The following KIAA1549L variants were observed in gnomAD, a reference collection of about 807,000 sequenced individuals.
The protein encoded by KIAA1549L is KIAA1549 like, also known as UPF0606 protein KIAA1549L.
Under a neutral mutation model 160.7 loss-of-function variants are expected in KIAA1549L, and 88 were observed. That is an observed-to-expected ratio of 0.55 (90% CI 0.46 to 0.65). KIAA1549L has a LOEUF of 0.65. Among genes scored for constraint, KIAA1549L ranks in the 30% least tolerant of loss-of-function variants. KIAA1549L has a pLI of 0.00. For synonymous variants in KIAA1549L, 950 were observed against 976.7 expected, an observed-to-expected ratio of 0.97 and a Z score of 0.51; for missense variants, 2,258 against 2,437.5, an observed-to-expected ratio of 0.93 and a Z score of 1.55.
chr11:33,579,158 T>C (rs1296437538), intron 10 of KIAA1549L, among the ~76,000 whole-genome samples: 1 of 152,132 alleles, frequency 6.6e-6, no homozygotes, highest in African/African-American at 2.4e-5. Flanking sequence ...TTTCCCCACC[T>C]GTAAAATGGT....
intron 17 of KIAA1549L, among the ~76,000 whole-genome samples, chr11:33,655,705 G>A (rs548074884): frequency 7.9e-5 from 12 of 152,252 alleles, no homozygotes; most frequent in African/African-American, 2.4e-4. Flanking sequence ...GAAATGAAGC[G>A]TGAAGCCCTG....
intron 6 of KIAA1549L, among the ~76,000 whole-genome samples, chr11:33,553,386 A>G (rs921220042): frequency 4.0e-5 from 6 of 151,812 alleles, no homozygotes; most frequent in Non-Finnish European, 8.8e-5. Context: ...CTAGCCCCCA[A>G]TTAACTCTTC....
In KIAA1549L at chr11:33,618,025, T is replaced by G. The variant is rs142230508; in HGVS notation, c.5280-508T>G. On this transcript the variant is annotated intron_variant, in intron 15 of 20. Transcript: ENST00000658780. ...TATGGCTTCTTAGTCCGGAAGGAAATCTACTGTGGTAATAGCAGAAAAGAA... is the reference window on the plus strand; with the variant it reads ...TATGGCTTCTTAGTCCGGAAGGAAAGCTACTGTGGTAATAGCAGAAAAGAA... Among the ~76,000 whole-genome samples the G allele has an allele frequency of 2.6e-3, 391 of 152,290 alleles. 1 individual carries two copies. Among genetic ancestry groups the G allele is most frequent in the African/African-American group, 9.1e-3 (378 of 41,564 alleles).
intron 14 of KIAA1549L, 35 bp downstream of exon 14, chr11:33,606,857 C>G (rs756960413): frequency 2.6e-6 from 4 of 1,541,120 alleles, no homozygotes; most frequent in Middle Eastern, 1.9e-4. Flanking sequence ...GGAGATGGTC[C>G]GGCCAGACTT....
At position 33,658,700 on chromosome 11, in the gene KIAA1549L, G is replaced by A. The variant is rs373017570; in HGVS notation, c.5859-50G>A. Reference sequence around the variant, plus strand: ...GGGGCGCACTCCTCCTGCTCGGGACGCCGCCTGAGGTCTGGGACAGTGCTA... The same window carrying A: ...GGGGCGCACTCCTCCTGCTCGGGACACCGCCTGAGGTCTGGGACAGTGCTA... On this transcript the variant is annotated intron_variant, in intron 18 of 20. Coordinates refer to ENST00000658780, the MANE Select transcript of KIAA1549L (RefSeq NM_012194.3). 2,051 of 1,546,904 alleles carry A rather than the reference G, an allele frequency of 1.3e-3. 6 individuals carry two copies. Among genetic ancestry groups the A allele is most frequent in the Middle Eastern group, 6.6e-3 (30 of 4,558 alleles).
At chr11:33,435,224 A>G (rs540641704) in intron 1 of KIAA1549L, among the ~76,000 whole-genome samples, 1 of 152,230 alleles carries the variant, frequency 6.6e-6, no homozygotes, top group African/African-American at 2.4e-5. Context: ...CAAAGTAAGA[A>G]GAATTGCCTT....
chr11:33,652,600 C>T (rs1386490678), intron 17 of KIAA1549L, among the ~76,000 whole-genome samples: 1 of 152,190 alleles, frequency 6.6e-6, no homozygotes, highest in Non-Finnish European at 1.5e-5. Flanking sequence ...CAGAATAAGC[C>T]TTCCAACAAC....
chr11:33,484,713 GT>G, intron 1 of KIAA1549L, among the ~76,000 whole-genome samples: 1 of 152,230 alleles, frequency 6.6e-6, no homozygotes, highest in South Asian at 2.1e-4. Flanking sequence ...TGTAATTTAG[GT>G]TTTCCATGGT....
rs547693060 is a variant in KIAA1549L, at chr11:33,620,355, C to A, written c.5409+1693C>A. On this transcript the variant is annotated intron_variant, in intron 16 of 20. Transcript: ENST00000658780. Reference sequence around the variant, plus strand: ...CTGCTTTGAGAAGTGCATGTGATCTCAAAAATATGATGATAAGCTCCCTTC... The same window carrying A: ...CTGCTTTGAGAAGTGCATGTGATCTAAAAAATATGATGATAAGCTCCCTTC... Among the ~76,000 whole-genome samples the A allele has an allele frequency of 2.0e-5, 3 of 152,212 alleles. No individual in the cohort carries two copies. In the South Asian group the frequency reaches 6.2e-4, roughly 32 times the overall value.
chr11:33,671,919 A>G lies in KIAA1549L; in HGVS notation c.*3765A>G, dbSNP rs1051029351. ...TACATCCAAATACTCTTAAGGAAAGAGTGTCATTTAGCTTGGAGTAGGGAC... is the reference window on the plus strand; with the variant it reads ...TACATCCAAATACTCTTAAGGAAAGGGTGTCATTTAGCTTGGAGTAGGGAC... On this transcript the variant is annotated 3_prime_UTR_variant, in exon 21 of 21. Transcript: ENST00000658780. 2 of 152,238 alleles carry G rather than the reference A, an allele frequency of 1.3e-5. No homozygotes were observed. Among genetic ancestry groups the G allele is most frequent in the Non-Finnish European group, 2.9e-5 (2 of 68,044 alleles). The allele number at this position is 152,238 out of a possible 1,614,324, so 9.4% of individuals were successfully genotyped here.
rs557269745 is a variant in KIAA1549L, at chr11:33,537,047, C to G, written c.239-4755C>G. ...GTCCGGCTGTCGCCTCCCTCTGCAG[C>G]CTTAATCTTGCCCACCTGCTGTTCT... On this transcript the variant is annotated intron_variant, in intron 1 of 20. Coordinates refer to ENST00000658780, the MANE Select transcript of KIAA1549L (RefSeq NM_012194.3). Among the ~76,000 whole-genome samples the G allele has an allele frequency of 3.3e-5, 5 of 152,344 alleles. No individual in the cohort carries two copies. The East Asian group carries it at 9.7e-4, about 29-fold the overall frequency.
intron 16 of KIAA1549L, among the ~76,000 whole-genome samples, chr11:33,643,853 G>A (rs1382799367): frequency 6.6e-6 from 1 of 152,154 alleles, no homozygotes; most frequent in East Asian, 1.9e-4. Flanking sequence ...GGTTGCATTC[G>A]TGTTCTAGAA....
At chr11:33,474,464 A>G (rs991634071) in intron 1 of KIAA1549L, among the ~76,000 whole-genome samples, 4 of 152,218 alleles carry the variant, frequency 2.6e-5, no homozygotes, top group African/African-American at 9.6e-5. Context: ...TTTAAGTTCC[A>G]CAGAGCTCTT....
intron 8 of KIAA1549L, among the ~76,000 whole-genome samples, chr11:33,565,112 C>A (rs567240345): frequency 6.6e-6 from 1 of 152,082 alleles, no homozygotes; most frequent in African/African-American, 2.4e-5. Flanking sequence ...TGGTTGTCTG[C>A]GCCAGGTCTG....
chr11:33,664,068 C>T (rs1852358443), intron 20 of KIAA1549L, among the ~76,000 whole-genome samples: 1 of 152,176 alleles, frequency 6.6e-6, no homozygotes, highest in Non-Finnish European at 1.5e-5. Flanking sequence ...CTCTGGTTTT[C>T]CTCTAAGATA....
At chr11:33,573,602 G>C (rs1855344753) in intron 9 of KIAA1549L, among the ~76,000 whole-genome samples, 3 of 151,988 alleles carry the variant, frequency 2.0e-5, no homozygotes, top group African/African-American at 7.2e-5. Flanking sequence ...TCTTTTTACT[G>C]TTATAAACAA....
intron 3 of KIAA1549L, among the ~76,000 whole-genome samples, chr11:33,545,737 C>G (rs1046473492): frequency 2.0e-5 from 3 of 152,182 alleles, no homozygotes; most frequent in African/African-American, 4.8e-5. Flanking sequence ...GTCCTAGGAT[C>G]AGTCCTGATA....
At chr11:33,550,812 A>G (rs1439595900) in intron 4 of KIAA1549L, among the ~76,000 whole-genome samples, 1 of 152,200 alleles carries the variant, frequency 6.6e-6, no homozygotes, top group Non-Finnish European at 1.5e-5. Flanking sequence ...TACAGATTTA[A>G]TTCTATACCA....
intron 1 of KIAA1549L, among the ~76,000 whole-genome samples, chr11:33,539,598 G>A (rs561768903): frequency 1.3e-5 from 2 of 152,248 alleles, no homozygotes; most frequent in East Asian, 3.9e-4. Context: ...TTCTTTCTTT[G>A]CCTCCTCCTT....
Sources: gnomAD v4.1 joint callset for allele counts (sites outside exome capture counted in the v4.1 genomes callset) on GRCh38, gnomAD v4.1.1 for gene constraint, MANE v1.5 for transcripts, NCBI Gene and HGNC (gene_info 2026-07-23, HGNC 2026-07-21) for gene names.